ZNF516: variants seen among roughly 807,000 people sequenced by gnomAD.
ZNF516 encodes the protein zinc finger protein 516.
In ZNF516, 19 loss-of-function variants were observed where a neutral mutation model predicts 79.7. That is an observed-to-expected ratio of 0.24 (90% CI 0.17 to 0.35). The LOEUF is 0.35. Among genes scored for constraint, ZNF516 ranks in the 10% least tolerant of loss-of-function variants. The pLI is 1.00. For synonymous variants in ZNF516, 877 were observed against 739.5 expected (o/e 1.19, Z -3.02); for missense variants, 1,678 against 1,679.5 (o/e 1.00, Z 0.02).
chr18:76,484,101 A>C (rs907747452), intron 1 of ZNF516, among the ~76,000 whole-genome samples: 26 of 152,178 alleles, frequency 1.7e-4, no homozygotes, highest in African/African-American at 6.3e-4. Context: ...GCATGACAAC[A>C]CGCTTACCAA....
chr18:76,439,137 A>G (rs967489731), intron 3 of ZNF516, among the ~76,000 whole-genome samples: 2 of 152,246 alleles, frequency 1.3e-5, no homozygotes, highest in Non-Finnish European at 1.5e-5. Context: ...TAGCCCTGTG[A>G]AAGACCTGGG....
intron 3 of ZNF516, among the ~76,000 whole-genome samples, chr18:76,424,232 C>CAT (rs201483680): frequency 2.4e-4 from 4 of 16,550 alleles, no homozygotes; most frequent in African/African-American, 4.5e-4. Context: ...AAGGTTCCCC[C>CAT]GAAACACACG....
intron 3 of ZNF516, among the ~76,000 whole-genome samples, chr18:76,419,689 C>G (rs755838179): frequency 2.0e-5 from 3 of 152,206 alleles, no homozygotes; most frequent in Non-Finnish European, 4.4e-5. Flanking sequence ...AGCCCTCTTG[C>G]CTGCTGCCAT....
intron 3 of ZNF516, among the ~76,000 whole-genome samples, chr18:76,402,448 A>C (rs941757038): frequency 2.6e-5 from 4 of 152,076 alleles, no homozygotes; most frequent in Admixed American, 2.6e-4. Context: ...ACAGCTGAGA[A>C]CCCGGACCTG....
chr18:76,395,843 GC>G (rs1428990565), intron 3 of ZNF516, among the ~76,000 whole-genome samples: 14 of 152,294 alleles, frequency 9.2e-5, no homozygotes, highest in African/African-American at 3.1e-4. Context: ...TGGGCCAGCC[GC>G]CCTGCAGGAG....
Position 76,362,306 on chromosome 18 carries a change from G to A in ZNF516, c.*192C>T. 2 of 539,794 alleles carry A rather than the reference G, an allele frequency of 3.7e-6. No homozygotes were observed. Among genetic ancestry groups the A allele is most frequent in the Non-Finnish European group, 3.4e-6 (1 of 293,580 alleles). 33.4% of individuals were successfully genotyped at this position (539,794 alleles called of 1,614,324 possible). ...ATAGCATCTTCATTTATTTCTGAAC[G>A]TTTAACAAGGAGAGGCATCTGCCTT... is the stretch of plus-strand genomic sequence containing the variant. On this transcript the variant is annotated 3_prime_UTR_variant, in exon 7 of 7. Transcript: ENST00000443185.
chr18:76,496,372 C>T (rs775523963), upstream of ZNF516: 1 of 1,289,702 alleles, frequency 7.8e-7, no homozygotes, highest in Admixed American at 2.3e-5. Flanking sequence ...GCGTAGCAAT[C>T]AGCGCTGCAA....
At chr18:76,368,242 G>A (rs892165223) in intron 6 of ZNF516, among the ~76,000 whole-genome samples, 1 of 152,226 alleles carries the variant, frequency 6.6e-6, no homozygotes, top group Non-Finnish European at 1.5e-5. Context: ...TATTACTGAT[G>A]TGTTTTGCAA....
rs763308347 is a variant in ZNF516 at position 76,391,040 on chromosome 18, C to T, written c.1811-10737G>A. Reference sequence around the variant, plus strand: ...GTGTTCCCAGATCCCAGGAGGGCCACGAGGGAAGGAACCCAGGCACAGCAG... The same window carrying T: ...GTGTTCCCAGATCCCAGGAGGGCCATGAGGGAAGGAACCCAGGCACAGCAG... On this transcript the variant is annotated intron_variant, in intron 3 of 6. Coordinates refer to ENST00000443185, the MANE Select transcript of ZNF516 (RefSeq NM_014643.4). 8.3e-4 allele frequency among the ~76,000 whole-genome samples: 126 copies of T among 152,134 alleles called. 1 individual carries two copies. The highest frequency in any genetic ancestry group is 1.6e-3 in the Admixed American group (24 of 15,280).
At chr18:76,443,925 G>C (rs1599102425) in intron 2 of ZNF516, among the ~76,000 whole-genome samples, 2 of 152,178 alleles carry the variant, frequency 1.3e-5, no homozygotes, top group African/African-American at 4.8e-5. Flanking sequence ...CCACCTACAT[G>C]CCCATCCCAC....
In ZNF516 at chr18:76,357,811, G is replaced by A. The variant is rs1399503137; in HGVS notation, c.*4687C>T. Among the ~76,000 whole-genome samples the A allele has an allele frequency of 6.6e-6, 1 of 152,146 alleles. No homozygotes were observed. The highest frequency in any genetic ancestry group is 2.4e-5 in the African/African-American group (1 of 41,418). On this transcript the variant is annotated 3_prime_UTR_variant, in exon 7 of 7. Coordinates refer to ENST00000443185, the MANE Select transcript of ZNF516 (RefSeq NM_014643.4). Reference sequence around the variant, plus strand: ...ATTTTTGACACAATAATTTCCTCCAGGTGTGGCTGAGTCAGAATTCCGTCC... The same window carrying A: ...ATTTTTGACACAATAATTTCCTCCAAGTGTGGCTGAGTCAGAATTCCGTCC...
Position 76,360,875 on chromosome 18 carries a change from G to A in ZNF516, c.*1623C>T, listed in dbSNP as rs896299652. The A allele has an allele frequency of 2.0e-5, 3 of 150,794 alleles. No homozygotes were observed. The highest frequency in any genetic ancestry group is 7.3e-5 in the African/African-American group (3 of 41,048). The allele number at this position is 150,794 out of a possible 1,614,324, so 9.3% of individuals were successfully genotyped here. ...AGGAAACCCACACTTTAGGGTGTGT[G>A]TGTGTGTTTGTGTGTGTGTGTGTCT... is the stretch of plus-strand genomic sequence containing the variant. On this transcript the variant is annotated 3_prime_UTR_variant, in exon 7 of 7. Transcript: ENST00000443185.
At chr18:76,400,428 C>T (rs754493862) in intron 3 of ZNF516, among the ~76,000 whole-genome samples, 2 of 152,168 alleles carry the variant, frequency 1.3e-5, no homozygotes, top group African/African-American at 2.4e-5. Context: ...GCTACCTAAA[C>T]GCCCAGAAAG....
intron 2 of ZNF516, among the ~76,000 whole-genome samples, chr18:76,449,740 A>G (rs558969218): frequency 3.3e-5 from 5 of 152,382 alleles, no homozygotes; most frequent in African/African-American, 1.2e-4. Context: ...AGTGAATGAA[A>G]TATCAGTGCA....
chr18:76,438,011 ATAT>A (rs2075766319), intron 3 of ZNF516, among the ~76,000 whole-genome samples: 2 of 152,218 alleles, frequency 1.3e-5, no homozygotes, highest in Non-Finnish European at 2.9e-5. Context: ...TACATGACAG[ATAT>A]TAGCACGACA....
intron 1 of ZNF516, among the ~76,000 whole-genome samples, chr18:76,482,075 G>A (rs762764143): frequency 3.3e-5 from 5 of 152,106 alleles, no homozygotes; most frequent in African/African-American, 4.8e-5. Flanking sequence ...TAAAGTCAAC[G>A]TTTAGAAGTT....
Position 76,483,194 on chromosome 18 carries a change from G to A in ZNF516, c.-272+11950C>T, listed in dbSNP as rs554878994. ...TTTGCTGGAGAAGGCAGGCGGGGTGGAGACTCCTCCAGGAGGTGTTTAATA... is the reference window on the plus strand; with the variant it reads ...TTTGCTGGAGAAGGCAGGCGGGGTGAAGACTCCTCCAGGAGGTGTTTAATA... On this transcript the variant is annotated intron_variant, in intron 1 of 6. Transcript: ENST00000443185. Among the ~76,000 whole-genome samples, 13 of 152,286 alleles carry A rather than the reference G, an allele frequency of 8.5e-5. No homozygotes were observed. In the South Asian group the frequency reaches 2.7e-3, roughly 32 times the overall value.
chr18:76,414,518 A>T (rs1387937395), intron 3 of ZNF516, among the ~76,000 whole-genome samples: 2 of 152,268 alleles, frequency 1.3e-5, no homozygotes, highest in Non-Finnish European at 2.9e-5. Flanking sequence ...GATTTTCAAG[A>T]GTTACACAGT....
chr18:76,391,986 A>C (rs6565886), intron 3 of ZNF516, among the ~76,000 whole-genome samples: 59,049 of 152,096 alleles, frequency 0.39, 11,698 homozygotes, highest in East Asian at 0.48. Flanking sequence ...GAGGCAAACA[A>C]CACCACGGTC....
Sources: gnomAD v4.1 joint callset for allele counts (sites outside exome capture counted in the v4.1 genomes callset) on GRCh38, gnomAD v4.1.1 for gene constraint, MANE v1.5 for transcripts, NCBI Gene and HGNC (gene_info 2026-07-23, HGNC 2026-07-21) for gene names.